The following ARHGAP26 variants were observed in gnomAD, a reference collection of about 807,000 sequenced individuals.
ARHGAP26 encodes the protein Rho GTPase activating protein 26.
A neutral mutation model predicts 104.8 loss-of-function variants in ARHGAP26; 38 were observed. The observed-to-expected ratio is 0.36, with a 90% confidence interval of 0.28 to 0.48. ARHGAP26 has a LOEUF of 0.48. Ranked by LOEUF, ARHGAP26 falls within the 20% of genes least tolerant of loss-of-function variation. The pLI is 0.99. For missense variants in ARHGAP26, 704 were observed against 947.9 expected (o/e 0.74, Z 3.38); for synonymous variants, 341 against 340.0 (o/e 1.00, Z -0.03).
intron 19 of ARHGAP26, among the ~76,000 whole-genome samples, chr5:143,135,269 G>A (rs1797783595): frequency 6.6e-6 from 1 of 152,202 alleles, no homozygotes; most frequent in Non-Finnish European, 1.5e-5. Flanking sequence ...CTGCAAAATA[G>A]GGTTGATGCT....
At position 142,885,268 on chromosome 5, in the gene ARHGAP26, T is replaced by TA. The variant is rs1476777730; in HGVS notation, c.385-30_385-29insA. 11 of 1,593,496 alleles carry TA rather than the reference T, an allele frequency of 6.9e-6. No homozygotes were observed. The East Asian group carries it at 2.5e-4, about 36-fold the overall frequency. On this transcript the variant is annotated intron_variant, in intron 4 of 22. Coordinates refer to ENST00000645722, the MANE Select transcript of ARHGAP26 (RefSeq NM_001135608.3). The stretch of plus-strand genomic sequence containing the variant: ...TTTTATTCCTGCAACGTGTTACTCT[T>TA]TTTCTTTTTCTCTTCTCTTTTTTTG...
rs534772267 is a variant in ARHGAP26, at chr5:143,158,853, G to A, written c.1988+11472G>A. On this transcript the variant is annotated intron_variant, in intron 20 of 22. Coordinates refer to ENST00000645722, the MANE Select transcript of ARHGAP26 (RefSeq NM_001135608.3). ...ATACAGGAGAAGCCTTGTCTTCAGG[G>A]AAAACCAAGATGTTATTGTCCACAA... Among the ~76,000 whole-genome samples the A allele has an allele frequency of 1.4e-4, 22 of 151,806 alleles. No individual in the cohort carries two copies. The South Asian group carries it at 4.6e-3, about 32-fold the overall frequency.
At chr5:142,848,604 C>T (rs1224735548) in intron 1 of ARHGAP26, among the ~76,000 whole-genome samples, 2 of 152,078 alleles carry the variant, frequency 1.3e-5, no homozygotes, top group African/African-American at 2.4e-5. Context: ...GTGTAGGTGG[C>T]GTGGAAGCTG....
At chr5:142,923,544 G>A (rs1275019700) in intron 10 of ARHGAP26, among the ~76,000 whole-genome samples, 1 of 152,184 alleles carries the variant, frequency 6.6e-6, no homozygotes, top group Non-Finnish European at 1.5e-5. Flanking sequence ...CTTGTGCAGT[G>A]TGTTAACATT....
chr5:142,871,924 G>A lies in ARHGAP26; in HGVS notation c.155-1476G>A, dbSNP rs190110350. ...GCCTTCTTTTGGTGTAGAGCAGAGC[G>A]CTTTGGACAAACCGCAGCTATCTCG... On this transcript the variant is annotated intron_variant, in intron 1 of 22. Coordinates refer to ENST00000645722, the MANE Select transcript of ARHGAP26 (RefSeq NM_001135608.3). This position sits in a 1 kb window ranked among gnomAD's most constrained non-coding sequence, Gnocchi z 4.1. Among the ~76,000 whole-genome samples the A allele has an allele frequency of 1.8e-4, 27 of 152,342 alleles. No homozygotes were observed. In the East Asian group the frequency reaches 3.3e-3, roughly 19 times the overall value.
chr5:143,075,617 A>G (rs1468162570), intron 17 of ARHGAP26, among the ~76,000 whole-genome samples: 3 of 152,166 alleles, frequency 2.0e-5, no homozygotes, highest in African/African-American at 7.2e-5. Context: ...AGTGATTTCT[A>G]TTTACACTAA....
intron 17 of ARHGAP26, among the ~76,000 whole-genome samples, chr5:143,068,875 C>T (rs1210437023): frequency 6.6e-6 from 1 of 152,204 alleles, no homozygotes; most frequent in African/African-American, 2.4e-5. Context: ...TGCTGATGAC[C>T]TCATGTTGCT....
intron 11 of ARHGAP26, among the ~76,000 whole-genome samples, chr5:142,974,483 C>A (rs1772750324): frequency 6.6e-6 from 1 of 152,144 alleles, no homozygotes; most frequent in Non-Finnish European, 1.5e-5. Context: ...TAGATGAATT[C>A]ATATACAAAT....
At chr5:142,968,197 T>C (rs531292571) in intron 11 of ARHGAP26, among the ~76,000 whole-genome samples, 1 of 152,302 alleles carries the variant, frequency 6.6e-6, no homozygotes, top group South Asian at 2.1e-4. Context: ...TTTACAGTTT[T>C]GGAAACTGAG....
At chr5:143,192,113 T>G (rs994017067) in intron 20 of ARHGAP26, among the ~76,000 whole-genome samples, 2 of 152,252 alleles carry the variant, frequency 1.3e-5, no homozygotes, top group African/African-American at 4.8e-5. Flanking sequence ...GTGCAAGAGA[T>G]AAAAGAGGGA....
chr5:142,975,030 G>T (rs1321658842), intron 11 of ARHGAP26, among the ~76,000 whole-genome samples: 1 of 152,124 alleles, frequency 6.6e-6, no homozygotes, highest in Non-Finnish European at 1.5e-5. Flanking sequence ...CTTGTCTGAC[G>T]TGGTACATCC....
chr5:143,060,236 T>C (rs1031274660), intron 17 of ARHGAP26, among the ~76,000 whole-genome samples: 3 of 152,230 alleles, frequency 2.0e-5, no homozygotes, highest in Admixed American at 1.3e-4. Context: ...CAGGGCTGAT[T>C]CTGCTGGAAA....
intron 17 of ARHGAP26, among the ~76,000 whole-genome samples, chr5:143,110,719 G>A (rs1209402024): frequency 3.9e-5 from 6 of 152,212 alleles, no homozygotes; most frequent in Non-Finnish European, 8.8e-5. Context: ...ACTTTAGAAT[G>A]AATTGTTATG....
At chr5:142,896,201 T>G (rs1290185363) in intron 6 of ARHGAP26, among the ~76,000 whole-genome samples, 1 of 152,244 alleles carries the variant, frequency 6.6e-6, no homozygotes, top group Non-Finnish European at 1.5e-5. Context: ...TCACATAGAA[T>G]TTGCCTTTAG....
At chr5:143,120,231 A>G (rs558132163) in intron 17 of ARHGAP26, among the ~76,000 whole-genome samples, 13 of 152,210 alleles carry the variant, frequency 8.5e-5, no homozygotes, top group Non-Finnish European at 1.8e-4. Flanking sequence ...TGGCCTGGGT[A>G]TGGAGTTCAG....
chr5:143,155,719 A>C (rs1280523836), intron 20 of ARHGAP26, among the ~76,000 whole-genome samples: 1 of 152,192 alleles, frequency 6.6e-6, no homozygotes, highest in Non-Finnish European at 1.5e-5. Flanking sequence ...GAAATCACAA[A>C]TGGAAAAATG....
chr5:143,026,419 A>G (rs1369486464), intron 12 of ARHGAP26, among the ~76,000 whole-genome samples: 3 of 152,182 alleles, frequency 2.0e-5, no homozygotes, highest in Non-Finnish European at 4.4e-5. Flanking sequence ...GAGTGATTTT[A>G]GATACCTGGA....
chr5:143,013,984 C>A, intron 11 of ARHGAP26, 96 bp from the exon 12 acceptor site: 1 of 1,249,918 alleles, frequency 8.0e-7, no homozygotes, highest in Non-Finnish European at 1.2e-6. Flanking sequence ...CTTCATGGTG[C>A]AAACTAGGGA....
chr5:142,880,629 C>G (rs1043971513), intron 4 of ARHGAP26, among the ~76,000 whole-genome samples: 3 of 152,134 alleles, frequency 2.0e-5, no homozygotes, highest in African/African-American at 7.2e-5. Context: ...AAAAAGATTT[C>G]CAACGTTTTC....
Sources: allele counts gnomAD v4.1 joint callset (sites outside exome capture counted in the v4.1 genomes callset), GRCh38; gene constraint gnomAD v4.1.1; non-coding constraint Gnocchi (gnomAD v3.1); transcripts MANE v1.5; gene names NCBI Gene and HGNC (gene_info 2026-07-23, HGNC 2026-07-21).